Variants in MAP2 observed in about 807,000 individuals in gnomAD.
The protein encoded by MAP2 is microtubule-associated protein 2.
MAP2 carries 14 observed loss-of-function variants against 137.6 expected under a neutral mutation model. That is an observed-to-expected ratio of 0.10 (90% CI 0.07 to 0.16). MAP2 has a LOEUF of 0.16. Among genes scored for constraint, MAP2 ranks in the 10% least tolerant of loss-of-function variants. MAP2 has a pLI of 1.00. For synonymous variants in MAP2, 786 were observed against 782.3 expected, an observed-to-expected ratio of 1.00 and a Z score of -0.08; for missense variants, 2,088 against 2,191.5, an observed-to-expected ratio of 0.95 and a Z score of 0.94.
chr2:209,658,795 C>T (rs2042081903), intron 5 of MAP2, among the ~76,000 whole-genome samples: 1 of 152,342 alleles, frequency 6.6e-6, no homozygotes, highest in African/African-American at 2.4e-5. Context: ...GCGTGAGCCA[C>T]TGCGCCCGGC....
rs571107524 is a variant in MAP2 at position 209,696,322 on chromosome 2, C to T, written c.4152C>T (p.Asp1384=). The change falls in exon 8 of 16, where the codon GAC becomes GAT. Residue 1384 remains aspartate, a synonymous_variant. Transcript: ENST00000682079. ...CCACCATTGACGACTCCATCATGGACGCTGACAGCCTCTGGGTGGACACTC... is the reference window on the plus strand; with the variant it reads ...CCACCATTGACGACTCCATCATGGATGCTGACAGCCTCTGGGTGGACACTC... The part of the protein sequence containing the change: ...DETTIDDSIM[D]ADSLWVDTQD... The T allele has an allele frequency of 2.0e-5, 31 of 1,566,950 alleles. No homozygotes were observed. The highest frequency in any genetic ancestry group is 1.1e-4 in the East Asian group (5 of 44,686).
intron 1 of MAP2, among the ~76,000 whole-genome samples, chr2:209,478,403 A>G (rs1707896519): frequency 1.3e-5 from 2 of 152,232 alleles, no homozygotes. Context: ...AATTCCCAGC[A>G]TAGAGCAGCA....
intron 3 of MAP2, among the ~76,000 whole-genome samples, chr2:209,604,587 T>G (rs938379819): frequency 1.3e-5 from 2 of 152,184 alleles, no homozygotes; most frequent in Admixed American, 1.3e-4. Flanking sequence ...AGGATTTCTG[T>G]AAAACAGTTT....
chr2:209,719,278 A>AG (rs2069120973), intron 13 of MAP2, among the ~76,000 whole-genome samples: 1 of 152,154 alleles, frequency 6.6e-6, no homozygotes, highest in Non-Finnish European at 1.5e-5. Context: ...GAGGGGGTCT[A>AG]GACAAATCCA....
chr2:209,725,393 C>T (rs2073515496), intron 13 of MAP2, among the ~76,000 whole-genome samples: 1 of 152,120 alleles, frequency 6.6e-6, no homozygotes, highest in Non-Finnish European at 1.5e-5. Context: ...AAAGGTTAAA[C>T]AGTGTTGCTT....
intron 1 of MAP2, among the ~76,000 whole-genome samples, chr2:209,443,987 T>C (rs1698443391): frequency 6.6e-6 from 1 of 151,616 alleles, no homozygotes; most frequent in Admixed American, 6.6e-5. Context: ...AATATATTAT[T>C]CAAGTACTGA....
chr2:209,726,154 C>T (rs1416497637), intron 14 of MAP2, among the ~76,000 whole-genome samples: 1 of 151,738 alleles, frequency 6.6e-6, no homozygotes, highest in Non-Finnish European at 1.5e-5. Context: ...GTTTTTTTTC[C>T]TAAAATTGGC....
intron 1 of MAP2, among the ~76,000 whole-genome samples, chr2:209,471,473 A>G (rs981513324): frequency 1.3e-5 from 2 of 152,194 alleles, no homozygotes; most frequent in Non-Finnish European, 2.9e-5. Flanking sequence ...AGGTGCTGCT[A>G]GGGTAAGGGA....
intron 3 of MAP2, among the ~76,000 whole-genome samples, chr2:209,585,719 A>G (rs990749996): frequency 2.0e-5 from 3 of 152,200 alleles, no homozygotes; most frequent in Admixed American, 6.6e-5. Context: ...ATAATGCTGT[A>G]GTGGAATAGT....
chr2:209,600,216 G>C (rs531338347), intron 3 of MAP2, among the ~76,000 whole-genome samples: 1 of 152,124 alleles, frequency 6.6e-6, no homozygotes, highest in African/African-American at 2.4e-5. Context: ...ACATCGACAG[G>C]TGAAAAGCAG....
chr2:209,558,757 C>G (rs1444221543), intron 2 of MAP2, among the ~76,000 whole-genome samples: 1 of 151,604 alleles, frequency 6.6e-6, no homozygotes, highest in Non-Finnish European at 1.5e-5. Flanking sequence ...AATCTAGTAA[C>G]CAGCACCTGC....
At chr2:209,526,679 T>C (rs1185551987) in intron 2 of MAP2, among the ~76,000 whole-genome samples, 1 of 148,654 alleles carries the variant, frequency 6.7e-6, no homozygotes, top group African/African-American at 2.5e-5. Context: ...ATCTTCATAC[T>C]AGATCCTTGC....
chr2:209,588,164 T>A (rs1196040416), intron 3 of MAP2, among the ~76,000 whole-genome samples: 1 of 152,184 alleles, frequency 6.6e-6, no homozygotes, highest in Non-Finnish European at 1.5e-5. Flanking sequence ...CTGGTCTTCT[T>A]TGCATCATCA....
At chr2:209,540,460 C>A in intron 2 of MAP2, among the ~76,000 whole-genome samples, 1 of 150,836 alleles carries the variant, frequency 6.6e-6, no homozygotes, top group South Asian at 2.1e-4. Context: ...GGTGAAACCC[C>A]GTCTCTACTA....
intron 1 of MAP2, among the ~76,000 whole-genome samples, chr2:209,472,856 A>G (rs1420755667): frequency 1.3e-5 from 2 of 152,192 alleles, no homozygotes; most frequent in African/African-American, 4.8e-5. Context: ...ATGAATTAGA[A>G]GGAAGTTGAG....
In MAP2 at chr2:209,694,177, G is replaced by C. The variant is rs148436232; in HGVS notation, c.2007G>C (p.Glu669Asp). The stretch of plus-strand genomic sequence containing the variant: ...CTATTGATCCAAAAGTGTATGGAGA[G>C]AAAAGGGACCTCCACAGTAAGAATA... ...MFTIDPKVYG[E>D]KRDLHSKNKD... is the part of the protein sequence containing the mutation. The change falls in exon 8 of 16, where the codon GAG (glutamate) becomes GAC (aspartate). Residue 669 changes from glutamate (E) to aspartate (D), a missense_variant. Transcript: ENST00000682079. 3 of 1,614,120 alleles carry C rather than the reference G, an allele frequency of 1.9e-6. No homozygotes were observed. The highest frequency in any genetic ancestry group is 2.5e-6 in the Non-Finnish European group (3 of 1,180,004).
Position 209,696,010 on chromosome 2 carries a change from G to A in MAP2, c.3840G>A (p.Val1280=), listed in dbSNP as rs746113549. The A allele has an allele frequency of 1.2e-6, 2 of 1,614,154 alleles. No individual in the cohort carries two copies. Among genetic ancestry groups the A allele is most frequent in the Non-Finnish European group, 8.5e-7 (1 of 1,180,014 alleles). The stretch of plus-strand genomic sequence containing the variant: ...CCTGCCCAAGTGAACACAAAGGAGT[G>A]ATTGAGTCTGTTGTGACCATCGAGG... The part of the protein sequence containing the change: ...VETCPSEHKG[V]IESVVTIEDD... Residue 1280 remains valine (V), a synonymous_variant, in exon 8 of 16, where the codon GTG becomes GTA. Transcript: ENST00000682079.
chr2:209,681,792 A>C (rs1406171488), intron 7 of MAP2, among the ~76,000 whole-genome samples: 5 of 152,184 alleles, frequency 3.3e-5, no homozygotes, highest in Non-Finnish European at 5.9e-5. Flanking sequence ...TATCATTTGT[A>C]ATTAGGTTCA....
At chr2:209,728,539 A>G (rs1339553508) in intron 14 of MAP2, among the ~76,000 whole-genome samples, 1 of 152,256 alleles carries the variant, frequency 6.6e-6, no homozygotes, top group Non-Finnish European at 1.5e-5. Context: ...ATGTAATATA[A>G]TTTCAAGAGG....
Sources: allele counts gnomAD v4.1 joint callset (sites outside exome capture counted in the v4.1 genomes callset), GRCh38; gene constraint gnomAD v4.1.1; transcripts MANE v1.5; gene names NCBI Gene and HGNC (gene_info 2026-07-23, HGNC 2026-07-21).